SLC8A1: variants seen among roughly 807,000 people sequenced by gnomAD.
SLC8A1 encodes the protein solute carrier family 8 member A1.
SLC8A1 carries 18 observed loss-of-function variants against 68.3 expected under a neutral mutation model. That is an observed-to-expected ratio of 0.26 (90% confidence interval 0.18 to 0.39). The LOEUF (loss-of-function observed/expected upper bound fraction) is 0.39. SLC8A1 is among the 10% of genes least tolerant of loss of function. SLC8A1 has a pLI of 1.00. For synonymous variants in SLC8A1, 475 were observed against 415.5 expected (o/e 1.14, Z -1.74); for missense variants, 985 against 1,156.7 (o/e 0.85, Z 2.15).
intron 2 of SLC8A1, among the ~76,000 whole-genome samples, chr2:40,292,241 T>C (rs1467191233): frequency 2.0e-5 from 3 of 152,158 alleles, no homozygotes; most frequent in Non-Finnish European, 4.4e-5. Context: ...TTCAGAACTT[T>C]TGTACCCCTG....
intron 7 of SLC8A1, among the ~76,000 whole-genome samples, chr2:40,120,469 C>G (rs1034820560): frequency 6.6e-6 from 1 of 152,196 alleles, no homozygotes; most frequent in Non-Finnish European, 1.5e-5. Flanking sequence ...AGTCACTTCA[C>G]TTTTTTAGAT....
rs183862010 is a variant in SLC8A1 at position 40,206,198 on chromosome 2, G to T, written c.1809-28343C>A. Among the ~76,000 whole-genome samples the T allele has an allele frequency of 2.9e-3, 434 of 152,140 alleles. 2 individuals carry two copies. The highest frequency in any genetic ancestry group is 9.5e-3 in the African/African-American group (394 of 41,536). On this transcript the variant is annotated intron_variant, in intron 2 of 7. Transcript: ENST00000406785. ...TGTGTCCTTACCTAATTTCTGGAAT[G>T]CTAGTGTGAATAAGCCTGTGCCATG...
chr2:40,108,402 C>T (rs971207384), exon 8 of SLC8A1: 1 of 152,146 alleles, frequency 6.6e-6, no homozygotes, highest in Non-Finnish European at 1.5e-5. Context: ...ATTTATTTCA[C>T]TTAAATATAA....
intron 2 of SLC8A1, among the ~76,000 whole-genome samples, chr2:40,210,789 C>T (rs2056438384): frequency 6.6e-6 from 1 of 152,298 alleles, no homozygotes; most frequent in Non-Finnish European, 1.5e-5. Flanking sequence ...AATTGCTTCT[C>T]ATCAGCTCTC....
intron 2 of SLC8A1, among the ~76,000 whole-genome samples, chr2:40,329,188 T>C (rs113707374): frequency 1.3e-5 from 2 of 152,002 alleles, no homozygotes; most frequent in Non-Finnish European, 2.9e-5. Flanking sequence ...GAATGAATAC[T>C]CTCATATTCT....
At chr2:40,419,410 T>C (rs1462525952) in intron 2 of SLC8A1, among the ~76,000 whole-genome samples, 1 of 152,176 alleles carries the variant, frequency 6.6e-6, no homozygotes, top group East Asian at 1.9e-4. Flanking sequence ...CAGTTCATTT[T>C]AGTCACAGCA....
At chr2:40,364,896 A>T (rs1445212969) in intron 2 of SLC8A1, among the ~76,000 whole-genome samples, 2 of 152,002 alleles carry the variant, frequency 1.3e-5, no homozygotes, top group East Asian at 3.9e-4. Flanking sequence ...AATGACAGGG[A>T]ACAGCTTTGG....
chr2:40,316,849 G>A (rs542789325), intron 2 of SLC8A1, among the ~76,000 whole-genome samples: 14 of 152,026 alleles, frequency 9.2e-5, no homozygotes, highest in Admixed American at 2.6e-4. Context: ...TAGTCTCATA[G>A]GGATAAAGGA....
At chr2:40,100,303 C>T (rs927976678) in exon 8 of SLC8A1, 1 of 152,030 alleles carries the variant, frequency 6.6e-6, no homozygotes, top group Non-Finnish European at 1.5e-5. Context: ...TGAGCCAATA[C>T]AGAAACCATG....
intron 2 of SLC8A1, among the ~76,000 whole-genome samples, chr2:40,253,279 C>CGTATATATGT (rs1445354977): frequency 3.4e-5 from 5 of 149,046 alleles, no homozygotes; most frequent in African/African-American, 1.0e-4. Flanking sequence ...GTACATATGA[C>CGTATATATGT]GTATATATGT....
chr2:40,494,867 T>C (rs1195759267), intron 1 of SLC8A1, among the ~76,000 whole-genome samples: 3 of 151,570 alleles, frequency 2.0e-5, no homozygotes, highest in African/African-American at 4.8e-5. Flanking sequence ...AACAACACTT[T>C]ATCATGTACC....
intron 2 of SLC8A1, among the ~76,000 whole-genome samples, chr2:40,387,936 CAA>C (rs57394425): frequency 4.5e-4 from 41 of 90,934 alleles, no homozygotes; most frequent in South Asian, 1.1e-3. Flanking sequence ...GAGACTGCCT[CAA>C]AAAAAAAAAA....
Position 40,412,407 on chromosome 2 carries a change from C to A in SLC8A1, c.1808+16066G>T, listed in dbSNP as rs189954709. Among the ~76,000 whole-genome samples the A allele has an allele frequency of 1.2e-4, 18 of 152,144 alleles. No individual in the cohort carries two copies. The East Asian group carries it at 3.5e-3, about 29-fold the overall frequency. On this transcript the variant is annotated intron_variant, in intron 2 of 7. Transcript: ENST00000406785. ...CTATTTTGTAATCATATATTTACAA[C>A]CATTTATGGTATATTAGGCACTGGA...
At chr2:40,367,442 C>T (rs113328069) in intron 2 of SLC8A1, among the ~76,000 whole-genome samples, 4,259 of 152,046 alleles carry the variant, frequency 0.028, 79 homozygotes, top group Non-Finnish European at 0.042. Flanking sequence ...CTTTTTTCCC[C>T]GACTGAGTTA....
chr2:40,251,890 G>A (rs2149032034), intron 2 of SLC8A1: 1 of 152,132 alleles, frequency 6.6e-6, no homozygotes, highest in Non-Finnish European at 1.5e-5. Context: ...TATACATCGG[G>A]TATTATGAAT....
intron 2 of SLC8A1, among the ~76,000 whole-genome samples, chr2:40,417,042 G>C (rs892378498): frequency 1.3e-4 from 20 of 152,058 alleles, no homozygotes; most frequent in African/African-American, 3.9e-4. Context: ...CTCTGCAAAG[G>C]AGCATTTTAA....
chr2:40,218,659 G>T (rs923509256), intron 2 of SLC8A1, among the ~76,000 whole-genome samples: 7 of 151,482 alleles, frequency 4.6e-5, no homozygotes, highest in Non-Finnish European at 8.8e-5. Flanking sequence ...TGTACTTTAT[G>T]ATTATAAATG....
At chr2:40,435,278 A>G (rs551721893) in intron 1 of SLC8A1, among the ~76,000 whole-genome samples, 105 of 152,274 alleles carry the variant, frequency 6.9e-4, no homozygotes, top group African/African-American at 2.5e-3. Context: ...TACCAAGGCA[A>G]GCACTTCCAA....
chr2:40,351,222 C>G (rs1312707800), intron 2 of SLC8A1, among the ~76,000 whole-genome samples: 3 of 152,108 alleles, frequency 2.0e-5, no homozygotes, highest in Non-Finnish European at 4.4e-5. Context: ...AATTTTATTT[C>G]TGTGCAGAGT....
Sources: allele counts gnomAD v4.1 joint callset (sites outside exome capture counted in the v4.1 genomes callset), GRCh38; gene constraint gnomAD v4.1.1; transcripts MANE v1.5; gene names NCBI Gene and HGNC (gene_info 2026-07-23, HGNC 2026-07-21).